Variants in DMD observed in about 807,000 individuals in gnomAD.
DMD encodes the protein mutant dystrophin.
Under a neutral mutation model 330.1 loss-of-function variants are expected in DMD, and 63 were observed. That is an observed-to-expected ratio of 0.19 (90% CI 0.16 to 0.24). The LOEUF is 0.24. Among genes scored for constraint, DMD ranks in the 10% least tolerant of loss-of-function variants. The probability of loss-of-function intolerance (pLI) is 1.00; values close to 1 mark genes in which losing one functional copy is unlikely to be tolerated. For synonymous variants in DMD, 1,223 were observed against 959.8 expected, an observed-to-expected ratio of 1.27 and a Z score of -5.07; for missense variants, 3,344 against 2,684.1, an observed-to-expected ratio of 1.25 and a Z score of -5.43.
intron 43 of DMD, among the ~76,000 whole-genome samples, chrX:32,243,955 C>CTTTT (rs145842581): frequency 1.4e-4 from 14 of 101,563 alleles, no homozygotes; most frequent in Admixed American, 1.3e-3. Flanking sequence ...GAGGAACGAA[C>CTTTT]TTTTTTTTTT....
At chrX:33,204,644 T>C (rs2051464500) in intron 1 of DMD, among the ~76,000 whole-genome samples, 1 of 111,378 alleles carries the variant, frequency 9.0e-6, no homozygotes, top group Non-Finnish European at 1.9e-5. Context: ...TAGTCTCTCT[T>C]TGAGTTCACT....
chrX:33,076,133 C>CG (rs1557250294), intron 1 of DMD, among the ~76,000 whole-genome samples: 1 of 110,133 alleles, frequency 9.1e-6, no homozygotes, highest in Non-Finnish European at 1.9e-5. Context: ...TATGACCCCC[C>CG]ACTCAGGAAC....
At chrX:31,449,688 A>T (rs1213153326) in intron 59 of DMD, among the ~76,000 whole-genome samples, 1 of 104,343 alleles carries the variant, frequency 9.6e-6, no homozygotes. Context: ...AACAAGCGAC[A>T]GAGAGGGGAG....
chrX:31,170,944 CTT>C (rs2039927796), intron 73 of DMD, among the ~76,000 whole-genome samples: 1 of 112,143 alleles, frequency 8.9e-6, no homozygotes, highest in African/African-American at 3.2e-5. Context: ...TGTAACTACA[CTT>C]TTCTTCCTGT....
chrX:33,325,574 A>T (rs770614605), intron 1 of DMD, among the ~76,000 whole-genome samples: 36 of 112,004 alleles, frequency 3.2e-4, no homozygotes, highest in Non-Finnish European at 6.4e-4. Context: ...TAAACCAATC[A>T]CGCATTTGCT....
chrX:32,345,998 C>T lies in DMD; in HGVS notation c.5531G>A (p.Arg1844Gln), dbSNP rs751221923. ...LQQRITDERK[R>Q]EEIKIKQQLL... ...CTGCTGTTTTATCTTTATTTCCTCTCGCTTTCTCTCATCTGTGATTCTTTG... is the reference window on the plus strand; with the variant it reads ...CTGCTGTTTTATCTTTATTTCCTCTTGCTTTCTCTCATCTGTGATTCTTTG... Residue 1844 changes from arginine to glutamine, a missense_variant, in exon 39 of 79, where the codon CGA (arginine) becomes CAA (glutamine). Transcript: ENST00000357033. The T allele has an allele frequency of 1.3e-5, 16 of 1,207,338 alleles. No homozygotes were observed. Among genetic ancestry groups the T allele is most frequent in the African/African-American group, 5.3e-5 (3 of 56,924 alleles).
chrX:31,423,003 A>T (rs1453655205), intron 60 of DMD, among the ~76,000 whole-genome samples: 2 of 111,859 alleles, frequency 1.8e-5, no homozygotes, highest in African/African-American at 6.5e-5. Flanking sequence ...TGCTGCACGG[A>T]TATATGTATT....
chrX:32,461,583 G>C (rs1457887433), intron 25 of DMD, among the ~76,000 whole-genome samples: 1 of 110,393 alleles, frequency 9.1e-6, no homozygotes, highest in Non-Finnish European at 1.9e-5. Context: ...CATTTTTAGA[G>C]AGCCTTTACA....
At chrX:31,812,789 G>A (rs986958991) in intron 50 of DMD, among the ~76,000 whole-genome samples, 2 of 111,663 alleles carry the variant, frequency 1.8e-5, no homozygotes, top group Non-Finnish European at 3.8e-5. Context: ...GACTAGCTCT[G>A]TAACCTTGGA....
intron 30 of DMD, among the ~76,000 whole-genome samples, chrX:32,400,494 C>T (rs7891076): frequency 0.15 from 16,918 of 109,820 alleles, 1,151 homozygotes; most frequent in African/African-American, 0.25. Flanking sequence ...GGGAGGATTC[C>T]CTCTTTTTCT....
At chrX:32,875,209 C>T (rs1213948847) in intron 2 of DMD, among the ~76,000 whole-genome samples, 2 of 111,663 alleles carry the variant, frequency 1.8e-5, no homozygotes, top group East Asian at 2.8e-4. Context: ...CCCTCTTCAT[C>T]GACTCTTGAA....
chrX:31,483,752 C>T (rs2068566673), intron 57 of DMD, among the ~76,000 whole-genome samples: 1 of 111,833 alleles, frequency 8.9e-6, no homozygotes. Context: ...GGATAAAACT[C>T]CCACAAAAAG....
intron 34 of DMD, among the ~76,000 whole-genome samples, chrX:32,379,939 C>T (rs1409571653): frequency 9.0e-6 from 1 of 110,660 alleles, no homozygotes; most frequent in South Asian, 3.8e-4. Context: ...AAATACTAAG[C>T]TATGAGTCTC....
intron 1 of DMD, among the ~76,000 whole-genome samples, chrX:33,202,976 T>C (rs760758914): frequency 2.5e-4 from 28 of 111,749 alleles, no homozygotes; most frequent in African/African-American, 9.1e-4. Flanking sequence ...CCTCCAAAGC[T>C]AACTGATAAG....
intron 1 of DMD, among the ~76,000 whole-genome samples, chrX:33,306,200 G>A (rs2053760550): frequency 8.9e-6 from 1 of 111,905 alleles, no homozygotes; most frequent in Non-Finnish European, 1.9e-5. Flanking sequence ...CTTTACCACA[G>A]TGATGCTGGC....
At chrX:32,297,695 A>G (rs779846106) in intron 42 of DMD, among the ~76,000 whole-genome samples, 2 of 111,968 alleles carry the variant, frequency 1.8e-5, no homozygotes, top group Non-Finnish European at 3.8e-5. Flanking sequence ...ACTAAACTAT[A>G]TACTCAGTTA....
At chrX:33,220,940 G>A in intron 1 of DMD, among the ~76,000 whole-genome samples, 1 of 111,619 alleles carries the variant, frequency 9.0e-6, no homozygotes, top group East Asian at 2.8e-4. Flanking sequence ...GGAGTTTAGT[G>A]ATATCAGTTG....
At chrX:31,390,126 GA>G (rs746512815) in intron 60 of DMD, among the ~76,000 whole-genome samples, 14 of 109,278 alleles carry the variant, frequency 1.3e-4, no homozygotes, top group Non-Finnish European at 2.5e-4. Flanking sequence ...AGCAAAGTTG[GA>G]ACTTAAAATG....
chrX:32,162,068 G>A (rs1274023253), intron 44 of DMD, among the ~76,000 whole-genome samples: 1 of 111,291 alleles, frequency 9.0e-6, no homozygotes, highest in Admixed American at 9.6e-5. Context: ...ATGCATGTGG[G>A]GCTTAAAACC....
Sources: allele counts gnomAD v4.1 joint callset (sites outside exome capture counted in the v4.1 genomes callset), GRCh38; gene constraint gnomAD v4.1.1; transcripts MANE v1.5; gene names NCBI Gene and HGNC (gene_info 2026-07-23, HGNC 2026-07-21).